The following ADGRA3 variants were observed in gnomAD, a reference collection of about 807,000 sequenced individuals.
ADGRA3 encodes the protein adhesion G protein-coupled receptor A3.
In ADGRA3, 56 loss-of-function variants were observed where a neutral mutation model predicts 119.8. The ratio of observed to expected loss-of-function variants is 0.47; its 90% CI spans 0.38 to 0.58. The LOEUF (loss-of-function observed/expected upper bound fraction) is 0.58. Ranked by LOEUF, ADGRA3 falls within the 20% of genes least tolerant of loss-of-function variation. ADGRA3 has a pLI of 0.00. For missense variants in ADGRA3, 1,516 were observed against 1,649.0 expected, an observed-to-expected ratio of 0.92 and a Z score of 1.40; for synonymous variants, 607 against 623.8, an observed-to-expected ratio of 0.97 and a Z score of 0.40.
At chr4:22,463,835 T>C (rs1193876274) in intron 2 of ADGRA3, among the ~76,000 whole-genome samples, 4 of 152,342 alleles carry the variant, frequency 2.6e-5, no homozygotes, top group Non-Finnish European at 4.4e-5. Context: ...CCCAGCATTT[T>C]TGATGTGTCA....
At chr4:22,409,852 C>T (rs576915927) in intron 14 of ADGRA3, among the ~76,000 whole-genome samples, 5 of 152,246 alleles carry the variant, frequency 3.3e-5, no homozygotes, top group Admixed American at 2.0e-4. Flanking sequence ...CTCAACAATA[C>T]GCGAGAAACA....
At chr4:22,464,725 G>C (rs867228557) in intron 2 of ADGRA3, among the ~76,000 whole-genome samples, 1 of 152,332 alleles carries the variant, frequency 6.6e-6, no homozygotes, top group Middle Eastern at 3.4e-3. Context: ...AATGGCCATA[G>C]GAAGAGTCCT....
intron 2 of ADGRA3, among the ~76,000 whole-genome samples, chr4:22,464,415 C>G (rs1351270391): frequency 6.6e-6 from 1 of 152,302 alleles, no homozygotes; most frequent in East Asian, 1.9e-4. Flanking sequence ...CAGGTAAACT[C>G]ACAAATCCCA....
At chr4:22,442,065 G>C (rs1716635439) in intron 7 of ADGRA3, among the ~76,000 whole-genome samples, 1 of 151,980 alleles carries the variant, frequency 6.6e-6, no homozygotes, top group South Asian at 2.1e-4. Flanking sequence ...AAGAAGAAAG[G>C]GAGTGGAAAA....
intron 16 of ADGRA3, among the ~76,000 whole-genome samples, chr4:22,397,265 T>C (rs1714399677): frequency 1.4e-5 from 2 of 143,108 alleles, no homozygotes; most frequent in Non-Finnish European, 3.0e-5. Flanking sequence ...CACTGCAACC[T>C]CTGCCTCCCA....
intron 5 of ADGRA3, among the ~76,000 whole-genome samples, chr4:22,447,152 A>G (rs2109080243): frequency 6.6e-6 from 1 of 152,224 alleles, no homozygotes; most frequent in South Asian, 2.1e-4. Flanking sequence ...AAACAAGGCA[A>G]CATTTTATGA....
intron 2 of ADGRA3, among the ~76,000 whole-genome samples, chr4:22,468,479 A>T (rs191274955): frequency 2.0e-5 from 3 of 152,298 alleles, no homozygotes; most frequent in African/African-American, 7.2e-5. Flanking sequence ...ACGAAGACAG[A>T]GATGGGACTC....
In ADGRA3 at chr4:22,420,918, CA is replaced by C; in HGVS notation, c.1776del (p.Asn592LysfsTer11). On this transcript the variant is annotated frameshift_variant, in exon 12 of 19. Transcript: ENST00000334304. LOFTEE classifies it high-confidence loss of function. ...GCCAGACTCGAAAATGTATTTGAAACATTGCACTTAAAGCTCAGCTGCTTAT... is the reference window on the plus strand; with the variant it reads ...GCCAGACTCGAAAATGTATTTGAAACTTGCACTTAAAGCTCAGCTGCTTAT... ...NLDKQLSFKC[N>X]VSNTFSSLAL... is the part of the protein sequence containing the mutation. 1 of 1,613,992 alleles carries C rather than the reference CA, an allele frequency of 6.2e-7. No individual in the cohort carries two copies.
chr4:22,474,369 C>T (rs928542107), intron 1 of ADGRA3, among the ~76,000 whole-genome samples: 3 of 152,294 alleles, frequency 2.0e-5, no homozygotes, highest in Admixed American at 6.5e-5. Flanking sequence ...CACATGCACT[C>T]ACAGACAAAC....
chr4:22,441,127 G>A (rs1011796662), intron 7 of ADGRA3, among the ~76,000 whole-genome samples: 1 of 152,082 alleles, frequency 6.6e-6, no homozygotes, highest in African/African-American at 2.4e-5. Flanking sequence ...TTGCCCAAGG[G>A]TAGGCCTCAC....
chr4:22,394,846 G>A (rs1714284979), intron 16 of ADGRA3: 3 of 152,114 alleles, frequency 2.0e-5, no homozygotes, highest in Non-Finnish European at 4.4e-5. Context: ...TACCAATAGT[G>A]GAATTTTAGG....
intron 14 of ADGRA3, among the ~76,000 whole-genome samples, chr4:22,405,375 G>A (rs1180101864): frequency 6.6e-6 from 1 of 151,622 alleles, no homozygotes; most frequent in Non-Finnish European, 1.5e-5. Flanking sequence ...TCCCATTTCT[G>A]CAAAAAATAA....
chr4:22,390,338 AAAATACATATTATATATATAT>A (rs1560292142), intron 17 of ADGRA3, among the ~76,000 whole-genome samples: 1,567 of 105,922 alleles, frequency 0.015, 7 homozygotes, highest in Non-Finnish European at 0.021. Context: ...ATATATATAT[AAAATACATATTATATATATAT>A]AATACGTATT....
chr4:22,495,827 T>C (rs1718801697), intron 1 of ADGRA3, among the ~76,000 whole-genome samples: 2 of 151,738 alleles, frequency 1.3e-5, no homozygotes, highest in Admixed American at 1.3e-4. Flanking sequence ...GAGAATGGCG[T>C]GAACCCGAGA....
chr4:22,397,523 T>C (rs1270912441), intron 16 of ADGRA3, among the ~76,000 whole-genome samples: 1 of 152,078 alleles, frequency 6.6e-6, no homozygotes, highest in African/African-American at 2.4e-5. Context: ...AAACAGTAAA[T>C]CATAAAGTTT....
At chr4:22,485,310 C>A (rs890952843) in intron 1 of ADGRA3, among the ~76,000 whole-genome samples, 6 of 152,192 alleles carry the variant, frequency 3.9e-5, no homozygotes, top group African/African-American at 1.2e-4. Context: ...CCGCCTTGGC[C>A]TCCCAAAGTG....
At chr4:22,417,296 A>ATG (rs1715465610) in intron 12 of ADGRA3, among the ~76,000 whole-genome samples, 1 of 152,180 alleles carries the variant, frequency 6.6e-6, no homozygotes, top group Admixed American at 6.5e-5. Context: ...GCTTGGAACT[A>ATG]TGCAGAGCCT....
chr4:22,419,495 G>A (rs1715562442), intron 12 of ADGRA3, among the ~76,000 whole-genome samples: 1 of 152,056 alleles, frequency 6.6e-6, no homozygotes, highest in Non-Finnish European at 1.5e-5. Context: ...GATCTTAAAA[G>A]GATAGAATGG....
At chr4:22,507,337 C>T (rs1455342469) in intron 1 of ADGRA3, among the ~76,000 whole-genome samples, 3 of 152,168 alleles carry the variant, frequency 2.0e-5, no homozygotes, top group African/African-American at 7.2e-5. Flanking sequence ...TAAATTAGCT[C>T]TGTTCTCTAG....
Sources: allele counts gnomAD v4.1 joint callset (sites outside exome capture counted in the v4.1 genomes callset), GRCh38; gene constraint gnomAD v4.1.1; transcripts MANE v1.5; gene names NCBI Gene and HGNC (gene_info 2026-07-23, HGNC 2026-07-21).